The following DLGAP2 variants were observed in gnomAD, a reference collection of about 807,000 sequenced individuals.
DLGAP2 encodes DLG associated protein 2.
DLGAP2 carries 26 observed loss-of-function variants against 100.3 expected under a neutral mutation model. The ratio of observed to expected loss-of-function variants is 0.26; its 90% CI spans 0.19 to 0.36. The LOEUF is 0.36. Ranked by LOEUF, DLGAP2 falls within the 10% of genes least tolerant of loss-of-function variation. The probability of loss-of-function intolerance (pLI) is 1.00; values close to 1 mark genes in which losing one functional copy is unlikely to be tolerated. For missense variants in DLGAP2, 1,858 were observed against 1,453.2 expected (o/e 1.28, Z -4.53); for synonymous variants, 886 against 630.1 (o/e 1.41, Z -6.08).
intron 8 of DLGAP2, among the ~76,000 whole-genome samples, chr8:1,661,974 G>T (rs537933712): frequency 6.6e-6 from 1 of 152,070 alleles, no homozygotes; most frequent in African/African-American, 2.4e-5. Flanking sequence ...GGAAGAACAC[G>T]GTCACGCTCC....
At chr8:1,260,728 G>A (rs1166626024) in intron 3 of DLGAP2, among the ~76,000 whole-genome samples, 1 of 152,228 alleles carries the variant, frequency 6.6e-6, no homozygotes, top group Non-Finnish European at 1.5e-5. Flanking sequence ...CTCAGGGATG[G>A]ATATTGGATG....
intron 8 of DLGAP2, among the ~76,000 whole-genome samples, chr8:1,645,641 G>C (rs907689852): frequency 7.9e-5 from 12 of 152,122 alleles, no homozygotes; most frequent in African/African-American, 2.9e-4. Context: ...ATTTGTGTTG[G>C]TTGATTATCC....
intron 4 of DLGAP2, among the ~76,000 whole-genome samples, chr8:1,539,603 C>G (rs1801286407): frequency 6.6e-6 from 1 of 152,004 alleles, no homozygotes; most frequent in African/African-American, 2.4e-5. Flanking sequence ...TTCTCCCTCT[C>G]CAGGCCCCAC....
At chr8:1,201,652 C>G (rs906733132) in intron 2 of DLGAP2, among the ~76,000 whole-genome samples, 19 of 152,220 alleles carry the variant, frequency 1.2e-4, no homozygotes, top group African/African-American at 4.6e-4. Flanking sequence ...GCTCCTGGTT[C>G]AGTGCCTGTT....
At chr8:1,323,984 A>G (rs541204013) in intron 3 of DLGAP2, among the ~76,000 whole-genome samples, 1 of 152,318 alleles carries the variant, frequency 6.6e-6, no homozygotes, top group Non-Finnish European at 1.5e-5. Context: ...CGACACAGTA[A>G]AGAAGTTGCT....
intron 2 of DLGAP2, among the ~76,000 whole-genome samples, chr8:1,211,994 A>G (rs1798115773): frequency 6.6e-6 from 1 of 152,246 alleles, no homozygotes; most frequent in African/African-American, 2.4e-5. Flanking sequence ...TGGAAACACA[A>G]GGCTCTTGGT....
chr8:904,755 C>G (rs1304906594), intron 1 of DLGAP2, among the ~76,000 whole-genome samples: 1 of 152,198 alleles, frequency 6.6e-6, no homozygotes, highest in Non-Finnish European at 1.5e-5. Context: ...GGCCCCAGCA[C>G]CCGTGGCAGG....
At chr8:1,651,394 C>G (rs1798159820) in intron 8 of DLGAP2, among the ~76,000 whole-genome samples, 1 of 152,188 alleles carries the variant, frequency 6.6e-6, no homozygotes, top group Non-Finnish European at 1.5e-5. Context: ...GAGAGCAGCT[C>G]TCTGCTGTGG....
At chr8:1,317,666 C>G (rs374209411) in intron 3 of DLGAP2, among the ~76,000 whole-genome samples, 7 of 116,556 alleles carry the variant, frequency 6.0e-5, no homozygotes, top group Non-Finnish European at 8.8e-5. Flanking sequence ...AAAAATAGAG[C>G]GTGTGCGAGT....
intron 4 of DLGAP2, among the ~76,000 whole-genome samples, chr8:1,527,059 C>T (rs777043430): frequency 5.9e-5 from 9 of 152,158 alleles, no homozygotes; most frequent in Non-Finnish European, 1.2e-4. Flanking sequence ...CAACCCTCTC[C>T]TGCGAGCAGC....
intron 6 of DLGAP2, among the ~76,000 whole-genome samples, chr8:1,568,444 C>G: frequency 6.8e-6 from 1 of 146,116 alleles, no homozygotes. Flanking sequence ...CCACTCTGCC[C>G]GTGGCCCCCG....
chr8:1,136,437 T>C (rs1427561816), intron 2 of DLGAP2, among the ~76,000 whole-genome samples: 5 of 152,194 alleles, frequency 3.3e-5, no homozygotes, highest in Admixed American at 3.3e-4. Flanking sequence ...TGGACAGCTC[T>C]CTGGCTCCCC....
intron 7 of DLGAP2, among the ~76,000 whole-genome samples, chr8:1,628,027 T>A (rs1797551475): frequency 1.6e-5 from 2 of 127,382 alleles, no homozygotes; most frequent in African/African-American, 7.0e-5. Context: ...TCTGTCTGAC[T>A]TACTGTGGAG....
chr8:1,201,087 C>A (rs7814616), intron 2 of DLGAP2, among the ~76,000 whole-genome samples: 296 of 152,188 alleles, frequency 1.9e-3, no homozygotes, highest in Non-Finnish European at 3.1e-3. Context: ...GAGACCAGCA[C>A]TGGGGAGGCT....
chr8:1,033,635 C>G (rs1269727844), intron 2 of DLGAP2, among the ~76,000 whole-genome samples: 2 of 152,186 alleles, frequency 1.3e-5, no homozygotes, highest in Non-Finnish European at 2.9e-5. Flanking sequence ...ACTCTGCACT[C>G]CAGCCTGGGT....
In DLGAP2 at chr8:1,419,171, G is replaced by A. The variant is rs115337390; in HGVS notation, c.107-82195G>A. 5.8e-3 allele frequency among the ~76,000 whole-genome samples: 868 copies of A among 150,488 alleles called. 20 individuals are homozygous for A. The highest frequency in any genetic ancestry group is 0.02 in the African/African-American group (791 of 40,422). ...TAGTTGACTCATAATAATTGTACATGTTTGTGGGATACTGTGTTACACTCT... is the reference window on the plus strand; with the variant it reads ...TAGTTGACTCATAATAATTGTACATATTTGTGGGATACTGTGTTACACTCT... On this transcript the variant is annotated intron_variant, in intron 3 of 14. Transcript: ENST00000637795.
At chr8:747,444 G>C (rs1050274377) in intron 1 of DLGAP2, among the ~76,000 whole-genome samples, 1 of 151,244 alleles carries the variant, frequency 6.6e-6, no homozygotes, top group African/African-American at 2.4e-5. Context: ...ACAAGCTCTG[G>C]CTGATGAAAA....
chr8:1,275,179 G>A (rs1372678732), intron 3 of DLGAP2, among the ~76,000 whole-genome samples: 2 of 152,078 alleles, frequency 1.3e-5, no homozygotes, highest in African/African-American at 4.8e-5. Flanking sequence ...GAGTTATTAT[G>A]TATAAAACCT....
chr8:1,549,713 G>C, intron 5 of DLGAP2, 30 bp downstream of exon 5: 1 of 1,509,630 alleles, frequency 6.6e-7, no homozygotes, highest in Non-Finnish European at 8.9e-7. Context: ...TGTGGAGGCC[G>C]TCTCGGCACA....
Sources: gnomAD v4.1 joint callset for allele counts (sites outside exome capture counted in the v4.1 genomes callset) on GRCh38, gnomAD v4.1.1 for gene constraint, MANE v1.5 for transcripts, NCBI Gene and HGNC (gene_info 2026-07-23, HGNC 2026-07-21) for gene names.